KLHL22: variants seen among roughly 807,000 people sequenced by gnomAD.
KLHL22 encodes the protein kelch like family member 22.
Under a neutral mutation model 60.7 loss-of-function variants are expected in KLHL22, and 18 were observed. That is an observed-to-expected ratio of 0.30 (90% CI 0.20 to 0.44). The LOEUF (loss-of-function observed/expected upper bound fraction) is 0.44. Ranked by LOEUF, KLHL22 falls within the 20% of genes least tolerant of loss-of-function variation. The probability of loss-of-function intolerance (pLI) is 1.00; values close to 1 mark genes in which losing one functional copy is unlikely to be tolerated. For missense variants in KLHL22, 596 were observed against 852.3 expected, an observed-to-expected ratio of 0.70 and a Z score of 3.74; for synonymous variants, 355 against 354.5, an observed-to-expected ratio of 1.00 and a Z score of -0.01.
At chr22:20,451,023 T>C in intron 5 of KLHL22, 2 of 1,519,656 alleles carry the variant, frequency 1.3e-6, no homozygotes, top group East Asian at 2.3e-5. Context: ...TAGAGAAATA[T>C]GACCCCAAGA....
chr22:20,460,963 G>T (rs2053145430), intron 4 of KLHL22, among the ~76,000 whole-genome samples: 2 of 152,234 alleles, frequency 1.3e-5, no homozygotes, highest in Non-Finnish European at 2.9e-5. Flanking sequence ...CATGAGGGTG[G>T]AGCCCCATGA....
At chr22:20,470,110 G>A (rs576302051) in intron 3 of KLHL22, among the ~76,000 whole-genome samples, 31 of 152,134 alleles carry the variant, frequency 2.0e-4, no homozygotes, top group African/African-American at 7.5e-4. Flanking sequence ...AAGCCAAGGT[G>A]GGAGTATCAC....
At chr22:20,457,690 C>T in intron 5 of KLHL22, 118 bp downstream of exon 5, 1 of 740,792 alleles carries the variant, frequency 1.3e-6, no homozygotes, top group Non-Finnish European at 2.2e-6. Context: ...ATGGATTCTG[C>T]TCACTGAGCC....
Position 20,446,570 on chromosome 22 carries a change from T to C in KLHL22, c.1412A>G (p.Asn471Ser). The C allele has an allele frequency of 6.2e-7, 1 of 1,614,020 alleles. No individual in the cohort carries two copies. Among genetic ancestry groups the C allele is most frequent in the South Asian group, 1.1e-5 (1 of 91,080 alleles). ...KETHCYDPGSNTWHTLADGPV... is the reference protein window; with the variant it reads ...KETHCYDPGSSTWHTLADGPV... ...CCCATCAGCCAGTGTGTGCCAAGTG[T>C]TGCTGCCTGGATCGTAGCAGTGTGT... is the stretch of plus-strand genomic sequence containing the variant. The change falls in exon 6 of 7, where the codon AAC becomes AGC. Residue 471 changes from asparagine to serine, a missense_variant. Coordinates refer to ENST00000328879, the MANE Select transcript of KLHL22 (RefSeq NM_032775.4).
At chr22:20,453,619 G>T (rs1009029326) in intron 5 of KLHL22, among the ~76,000 whole-genome samples, 4 of 152,042 alleles carry the variant, frequency 2.6e-5, no homozygotes, top group African/African-American at 9.7e-5. Flanking sequence ...AAAATTATTT[G>T]AGCTATTCTA....
rs540854533 is a variant in KLHL22 at position 20,463,566 on chromosome 22, AG to A, written c.1112+1291del. ...TGCAGGTCTGTAGGTTACTCTCAGCAGGGTGGTCTGGCCTTGGCCCCCCAAC... is the reference window on the plus strand; with the variant it reads ...TGCAGGTCTGTAGGTTACTCTCAGCAGGTGGTCTGGCCTTGGCCCCCCAAC... On this transcript the variant is annotated intron_variant, in intron 4 of 6. Coordinates refer to ENST00000328879, the MANE Select transcript of KLHL22 (RefSeq NM_032775.4). Among the ~76,000 whole-genome samples, 5 of 152,376 alleles carry A rather than the reference AG, an allele frequency of 3.3e-5. No individual in the cohort carries two copies. In the South Asian group the frequency reaches 1.0e-3, roughly 32 times the overall value.
intron 5 of KLHL22, chr22:20,450,701 C>T (rs1231118557): frequency 2.1e-6 from 3 of 1,432,758 alleles, no homozygotes; most frequent in Non-Finnish European, 3.0e-6. Flanking sequence ...CCTGAAGAAC[C>T]AGTCTTTGAG....
chr22:20,476,812 G>A (rs1569139992), intron 2 of KLHL22, among the ~76,000 whole-genome samples: 1 of 144,650 alleles, frequency 6.9e-6, no homozygotes, highest in Non-Finnish European at 1.5e-5. Context: ...ACGTTCAAGC[G>A]ATTCTCCTGC....
chr22:20,486,618 A>G (rs1262997853), intron 2 of KLHL22, among the ~76,000 whole-genome samples: 1 of 152,178 alleles, frequency 6.6e-6, no homozygotes, highest in Non-Finnish European at 1.5e-5. Context: ...TATCATTTTA[A>G]CATTTCACAA....
chr22:20,462,462 C>A (rs1431456540), intron 4 of KLHL22, among the ~76,000 whole-genome samples: 3 of 151,816 alleles, frequency 2.0e-5, no homozygotes, highest in Non-Finnish European at 4.4e-5. Flanking sequence ...TCAAGCGATC[C>A]TCCTGCCTCA....
chr22:20,445,324 A>T (rs1185811312), intron 6 of KLHL22, among the ~76,000 whole-genome samples: 4 of 150,122 alleles, frequency 2.7e-5, no homozygotes, highest in Non-Finnish European at 5.9e-5. Flanking sequence ...CTCCTGCCTC[A>T]GTCTTCCCAA....
Position 20,442,198 on chromosome 22 carries a change from G to A in KLHL22, c.1780C>T (p.Pro594Ser), listed in dbSNP as rs1330177492. Residue 594 changes from proline (P) to serine (S), a missense_variant, in exon 7 of 7, where the codon CCC becomes TCC. Transcript: ENST00000328879. ...SGLAACVLTL[P>S]RSLLLEPPRG... Reference sequence around the variant, plus strand: ...GGCGGCTCAAGGAGCAGGGAGCGGGGCAGGGTGAGCACACAGGCCGCCAGG... The same window carrying A: ...GGCGGCTCAAGGAGCAGGGAGCGGGACAGGGTGAGCACACAGGCCGCCAGG... 6.3e-7 allele frequency: 1 copy of A among 1,594,938 alleles called. No homozygotes were observed. The highest frequency in any genetic ancestry group is 8.6e-7 in the Non-Finnish European group (1 of 1,169,146).
At chr22:20,450,028 C>T (rs966928249) in intron 5 of KLHL22, 2 of 627,518 alleles carry the variant, frequency 3.2e-6, no homozygotes, top group Admixed American at 2.6e-5. Context: ...TCCATCCCCA[C>T]AGGCTGGGGA....
chr22:20,479,220 A>G (rs939868752), intron 2 of KLHL22, among the ~76,000 whole-genome samples: 1 of 151,978 alleles, frequency 6.6e-6, no homozygotes, highest in Non-Finnish European at 1.5e-5. Context: ...AGTTGGGACT[A>G]TAGGCATGCA....
chr22:20,471,731 T>C (rs2053330217), intron 2 of KLHL22, among the ~76,000 whole-genome samples: 1 of 152,200 alleles, frequency 6.6e-6, no homozygotes, highest in Non-Finnish European at 1.5e-5. Context: ...GAAATTGTCC[T>C]GTTTCCCTTT....
At chr22:20,451,245 C>A (rs1235959280) in intron 5 of KLHL22, 1 of 1,603,422 alleles carries the variant, frequency 6.2e-7, no homozygotes, top group Non-Finnish European at 8.5e-7. Flanking sequence ...GAGCCACCAC[C>A]CTGGGAGATT....
intron 1 of KLHL22, chr22:20,491,694 T>C (rs1431123627): frequency 6.6e-6 from 1 of 152,200 alleles, no homozygotes; most frequent in Non-Finnish European, 1.5e-5. Flanking sequence ...GGCACATGAT[T>C]ATATATCTTT....
At chr22:20,445,989 G>A (rs2052853516) in intron 6 of KLHL22, among the ~76,000 whole-genome samples, 1 of 152,182 alleles carries the variant, frequency 6.6e-6, no homozygotes, top group Non-Finnish European at 1.5e-5. Flanking sequence ...TCAAGCTCCT[G>A]AGCTCAAGTG....
Position 20,458,017 on chromosome 22 carries a change from G to A in KLHL22, c.1113-17C>T. On this transcript the variant is annotated splice_polypyrimidine_tract_variant and intron_variant, in intron 4 of 6. Transcript: ENST00000328879. ...GGGTCATACCTGTGCCGAGACATGA[G>A]GAAAGCACAGCACTGACTAGGCAGG... The A allele has an allele frequency of 6.2e-7, 1 of 1,613,352 alleles. No homozygotes were observed. The highest frequency in any genetic ancestry group is 8.5e-7 in the Non-Finnish European group (1 of 1,179,636).
Sources: allele counts gnomAD v4.1 joint callset (sites outside exome capture counted in the v4.1 genomes callset), GRCh38; gene constraint gnomAD v4.1.1; transcripts MANE v1.5; gene names NCBI Gene and HGNC (gene_info 2026-07-23, HGNC 2026-07-21).